Variants in DIP2C observed in about 807,000 individuals in gnomAD.
DIP2C encodes the protein disco-interacting protein 2 homolog C.
A neutral mutation model predicts 192.4 loss-of-function variants in DIP2C; 33 were observed. That is an observed-to-expected ratio of 0.17 (90% CI 0.13 to 0.23). DIP2C has a LOEUF of 0.23. Ranked by LOEUF, DIP2C falls within the 10% of genes least tolerant of loss-of-function variation. DIP2C has a pLI of 1.00. For missense variants in DIP2C, 1,537 were observed against 2,110.1 expected (o/e 0.73, Z 5.32); for synonymous variants, 979 against 864.1 (o/e 1.13, Z -2.33).
chr10:649,147 T>C (rs1855696877), intron 1 of DIP2C, among the ~76,000 whole-genome samples: 1 of 149,276 alleles, frequency 6.7e-6, no homozygotes, highest in Non-Finnish European at 1.5e-5. Context: ...ACGTCCACAG[T>C]GGACGGTGGG....
chr10:461,766 T>G (rs1335762180), intron 3 of DIP2C, among the ~76,000 whole-genome samples: 1 of 152,164 alleles, frequency 6.6e-6, no homozygotes, highest in Non-Finnish European at 1.5e-5. Context: ...ATTCTAAAAC[T>G]GACCACATAA....
At chr10:562,906 G>C (rs1484268817) in intron 1 of DIP2C, among the ~76,000 whole-genome samples, 1 of 152,198 alleles carries the variant, frequency 6.6e-6, no homozygotes, top group Non-Finnish European at 1.5e-5. Context: ...CACAAGCCTG[G>C]CTGCTTAAAA....
intron 1 of DIP2C, among the ~76,000 whole-genome samples, chr10:566,264 T>C (rs1849464185): frequency 6.6e-6 from 1 of 152,190 alleles, no homozygotes; most frequent in Non-Finnish European, 1.5e-5. Flanking sequence ...ACTGTAATCG[T>C]AGTTACCATT....
intron 32 of DIP2C, among the ~76,000 whole-genome samples, chr10:306,738 G>C (rs1956342563): frequency 6.6e-6 from 1 of 152,224 alleles, no homozygotes; most frequent in Non-Finnish European, 1.5e-5. Flanking sequence ...CGGTGGATCA[G>C]AAGAGGTGAG....
intron 29 of DIP2C, among the ~76,000 whole-genome samples, chr10:331,922 CTTCTT>C (rs778548308): frequency 2.0e-3 from 305 of 151,250 alleles, no homozygotes; most frequent in Non-Finnish European, 2.9e-3. Flanking sequence ...ATATTAACCA[CTTCTT>C]TTCTTTTTTT....
chr10:578,260 C>G (rs1281803174), intron 1 of DIP2C, among the ~76,000 whole-genome samples: 1 of 152,162 alleles, frequency 6.6e-6, no homozygotes, highest in Admixed American at 6.5e-5. Flanking sequence ...ATTCACAACA[C>G]TAGGAGGGAT....
chr10:445,243 G>A (rs922680348), intron 3 of DIP2C, among the ~76,000 whole-genome samples: 11 of 151,518 alleles, frequency 7.3e-5, no homozygotes, highest in African/African-American at 2.2e-4. Context: ...GTTGTGAAGA[G>A]TCTCATGGCC....
intron 1 of DIP2C, among the ~76,000 whole-genome samples, chr10:545,453 G>T (rs1021415027): frequency 2.0e-5 from 3 of 152,086 alleles, no homozygotes; most frequent in Non-Finnish European, 2.9e-5. Context: ...ACCACGCCCA[G>T]CCATGACTGG....
At chr10:316,287 A>T in intron 31 of DIP2C, among the ~76,000 whole-genome samples, 1 of 152,164 alleles carries the variant, frequency 6.6e-6, no homozygotes, top group African/African-American at 2.4e-5. Flanking sequence ...ATTAAATAAC[A>T]TTTACCCCCA....
intron 1 of DIP2C, among the ~76,000 whole-genome samples, chr10:534,729 T>TGCA (rs1162139636): frequency 4.0e-5 from 6 of 150,656 alleles, no homozygotes; most frequent in Admixed American, 2.0e-4. Flanking sequence ...GACTGCGGAC[T>TGCA]GCAGTGGCGC....
intron 31 of DIP2C, among the ~76,000 whole-genome samples, chr10:316,469 A>G (rs933108697): frequency 6.6e-6 from 1 of 152,140 alleles, no homozygotes; most frequent in African/African-American, 2.4e-5. Context: ...AGCTTCCTCT[A>G]TTCCACTGCC....
chr10:660,339 A>G (rs56987217), intron 1 of DIP2C, among the ~76,000 whole-genome samples: 80 of 151,764 alleles, frequency 5.3e-4, no homozygotes, highest in Admixed American at 1.3e-3. Context: ...TGTATGAAAC[A>G]GAGATCCTAG....
chr10:456,182 T>C (rs113299435), intron 3 of DIP2C, among the ~76,000 whole-genome samples: 111 of 114,924 alleles, frequency 9.7e-4, no homozygotes, highest in African/African-American at 1.7e-3. Flanking sequence ...GAGGGGAGAC[T>C]GTGAGGAGTA....
chr10:488,723 C>T (rs564549637), intron 1 of DIP2C, among the ~76,000 whole-genome samples: 76 of 152,336 alleles, frequency 5.0e-4, no homozygotes, highest in Non-Finnish European at 9.7e-4. Context: ...CCTCTGGGTA[C>T]CCACGGCATA....
At chr10:383,444 G>T (rs533167198) in intron 16 of DIP2C, among the ~76,000 whole-genome samples, 1 of 152,152 alleles carries the variant, frequency 6.6e-6, no homozygotes, top group Non-Finnish European at 1.5e-5. Context: ...TGCTAGCTAG[G>T]TTCTTGTTTC....
intron 30 of DIP2C, among the ~76,000 whole-genome samples, chr10:327,668 G>T (rs192584522): frequency 6.6e-6 from 1 of 152,164 alleles, no homozygotes; most frequent in Non-Finnish European, 1.5e-5. Flanking sequence ...CAAGTAGCTG[G>T]GACTGCAGAC....
intron 1 of DIP2C, among the ~76,000 whole-genome samples, chr10:601,120 A>G (rs917346405): frequency 2.0e-5 from 3 of 152,178 alleles, no homozygotes; most frequent in African/African-American, 7.2e-5. Flanking sequence ...GTTAAGAAAA[A>G]CCAAAAGGCA....
chr10:320,789 C>T (rs1299638765), intron 31 of DIP2C, among the ~76,000 whole-genome samples: 1 of 152,130 alleles, frequency 6.6e-6, no homozygotes, highest in African/African-American at 2.4e-5. Context: ...AAACTGTGTT[C>T]TGTAAAACAG....
intron 14 of DIP2C, among the ~76,000 whole-genome samples, chr10:386,548 C>T (rs932137666): frequency 2.6e-5 from 4 of 152,190 alleles, no homozygotes; most frequent in East Asian, 1.9e-4. Flanking sequence ...GCTGGGAACA[C>T]GCTGCTCCAT....
Sources: allele counts gnomAD v4.1 joint callset (sites outside exome capture counted in the v4.1 genomes callset), GRCh38; gene constraint gnomAD v4.1.1; transcripts MANE v1.5; gene names NCBI Gene and HGNC (gene_info 2026-07-23, HGNC 2026-07-21).